The following GPR155 variants were observed in gnomAD, a reference collection of about 807,000 sequenced individuals.
GPR155 encodes lysosomal cholesterol signaling protein.
In GPR155, 65 loss-of-function variants were observed where a neutral mutation model predicts 93.1. The ratio of observed to expected loss-of-function variants is 0.70; its 90% CI spans 0.57 to 0.86. GPR155 has a LOEUF of 0.86. Ranked by LOEUF, GPR155 falls within the 40% of genes least tolerant of loss-of-function variation. The pLI is 0.00. For missense variants in GPR155, 838 were observed against 1,034.8 expected (o/e 0.81, Z 2.61); for synonymous variants, 319 against 360.1 (o/e 0.89, Z 1.29).
At chr2:174,477,011 G>T (rs1049304058) in intron 2 of GPR155, among the ~76,000 whole-genome samples, 4 of 152,138 alleles carry the variant, frequency 2.6e-5, no homozygotes, top group Non-Finnish European at 5.9e-5. Flanking sequence ...TAATGCTTGA[G>T]AAAATCTGAA....
At chr2:174,485,726 CATCCTA>C (rs1056839201) in intron 1 of GPR155, among the ~76,000 whole-genome samples, 5 of 151,978 alleles carry the variant, frequency 3.3e-5, no homozygotes, top group Non-Finnish European at 4.4e-5. Flanking sequence ...AGTTTCATTT[CATCCTA>C]ATCTTTTTTA....
chr2:174,481,580 C>G lies in GPR155; in HGVS notation c.377G>C (p.Ser126Thr). 6.2e-7 allele frequency: 1 copy of G among 1,613,708 alleles called. No homozygotes were observed. Among genetic ancestry groups the G allele is most frequent in the Non-Finnish European group, 8.5e-7 (1 of 1,179,866 alleles). The part of the protein sequence containing the change: ...IVCVLTLLVA[S>T]PDSRFSKAGL... ...AGCTTTGCTAAATCGACTATCAGGA[C>G]TGGCAACCAATAAGGTTAATACACA... is the stretch of plus-strand genomic sequence containing the variant. Residue 126 changes from serine to threonine, a missense_variant, in exon 2 of 16, where the codon AGT becomes ACT. Ser to Thr is a moderately conservative substitution (Grantham distance 58, BLOSUM62 1). Coordinates refer to ENST00000392552, the MANE Select transcript of GPR155 (RefSeq NM_152529.7).
chr2:174,473,063 T>A lies in GPR155; in HGVS notation c.762A>T (p.Gly254=). 1 of 1,600,756 alleles carries A rather than the reference T, an allele frequency of 6.2e-7. No homozygotes were observed. The highest frequency in any genetic ancestry group is 1.1e-5 in the South Asian group (1 of 87,588). Residue 254 remains glycine (G), a synonymous_variant, in exon 3 of 16, where the codon GGA becomes GGT. Coordinates refer to ENST00000392552, the MANE Select transcript of GPR155 (RefSeq NM_152529.7). ...TGAGACCAAGATAAAATAGGGCTGA[T>A]CCAGAAAAAGAATTTCCAAGTCCAT... ...FLDGLGNSFS[G]SALFYLGLTM...
At chr2:174,447,102 C>T (rs960487868) in intron 11 of GPR155, among the ~76,000 whole-genome samples, 7 of 151,664 alleles carry the variant, frequency 4.6e-5, no homozygotes, top group East Asian at 1.9e-4. Context: ...TTTGGGATGC[C>T]GAGGCAGGCA....
chr2:174,453,849 A>C lies in GPR155; in HGVS notation c.1772-8T>G. 1.3e-6 allele frequency: 2 copies of C among 1,585,880 alleles called. No individual in the cohort carries two copies. Among genetic ancestry groups the C allele is most frequent in the Non-Finnish European group, 1.7e-6 (2 of 1,154,736 alleles). On this transcript the variant is annotated splice_polypyrimidine_tract_variant and splice_region_variant and intron_variant, in intron 10 of 15. Transcript: ENST00000392552. ...TGGAGCAGGAGCAGCAACCTATATC[A>C]ATCAAATAGTATGTGAGAGTAGAGC...
At chr2:174,456,144 G>A (rs529146451) in intron 10 of GPR155, among the ~76,000 whole-genome samples, 29 of 152,052 alleles carry the variant, frequency 1.9e-4, no homozygotes, top group African/African-American at 6.3e-4. Flanking sequence ...GCCTGGCTGA[G>A]ATATAAATAA....
rs576158408 is a variant in GPR155 at position 174,475,102 on chromosome 2, C to T, written c.461-1738G>A. Reference sequence around the variant, plus strand: ...CGAGGTCAGGAGATCGAGACCATCCCGGCTAAAATGGTGAAACCCCGTCTC... The same window carrying T: ...CGAGGTCAGGAGATCGAGACCATCCTGGCTAAAATGGTGAAACCCCGTCTC... On this transcript the variant is annotated intron_variant, in intron 2 of 15. Transcript: ENST00000392552. Among the ~76,000 whole-genome samples the T allele has an allele frequency of 2.8e-3, 423 of 150,088 alleles. 2 individuals are homozygous for T. Among genetic ancestry groups the T allele is most frequent in the African/African-American group, 9.8e-3 (399 of 40,790 alleles).
At chr2:174,449,962 C>T (rs901893969) in intron 11 of GPR155, among the ~76,000 whole-genome samples, 1 of 151,854 alleles carries the variant, frequency 6.6e-6, no homozygotes, top group Non-Finnish European at 1.5e-5. Context: ...GACGACAGAG[C>T]GAGACTCCAT....
chr2:174,477,528 T>C (rs1688201854), intron 2 of GPR155, among the ~76,000 whole-genome samples: 1 of 151,978 alleles, frequency 6.6e-6, no homozygotes, highest in South Asian at 2.1e-4. Context: ...CACAGAAAAA[T>C]TGTGATTAAA....
chr2:174,473,917 A>T (rs1688070689), intron 2 of GPR155, among the ~76,000 whole-genome samples: 1 of 152,220 alleles, frequency 6.6e-6, no homozygotes, highest in Admixed American at 6.5e-5. Context: ...AATTAGGGAC[A>T]GTTGGAAGTG....
intron 7 of GPR155, among the ~76,000 whole-genome samples, chr2:174,464,265 A>T (rs1687778643): frequency 6.6e-6 from 1 of 152,216 alleles, no homozygotes; most frequent in African/African-American, 2.4e-5. Context: ...TTGACTAGTT[A>T]TATGTTTATT....
chr2:174,473,617 A>C (rs1688063662), intron 2 of GPR155, among the ~76,000 whole-genome samples: 1 of 152,230 alleles, frequency 6.6e-6, no homozygotes, highest in South Asian at 2.1e-4. Context: ...TTACCATCTA[A>C]GGGTTAAAAT....
intron 2 of GPR155, among the ~76,000 whole-genome samples, chr2:174,474,104 A>G (rs1688077119): frequency 6.6e-6 from 1 of 152,220 alleles, no homozygotes; most frequent in African/African-American, 2.4e-5. Context: ...TCACAAGACA[A>G]TGACAAAACT....
chr2:174,442,017 G>T, intron 14 of GPR155, 102 bp downstream of exon 14: 1 of 724,700 alleles, frequency 1.4e-6, no homozygotes, highest in Non-Finnish European at 2.5e-6. Flanking sequence ...CAAAGTACTG[G>T]GATTACAAGT....
chr2:174,465,495 A>G (rs1467445106), intron 7 of GPR155, among the ~76,000 whole-genome samples: 1 of 152,188 alleles, frequency 6.6e-6, no homozygotes, highest in African/African-American at 2.4e-5. Flanking sequence ...TGCCTTCAGT[A>G]TCTTCCCTCT....
intron 12 of GPR155, 151 bp from the exon 13 acceptor site, chr2:174,445,327 T>G: frequency 1.8e-6 from 1 of 568,508 alleles, no homozygotes; most frequent in Non-Finnish European, 3.1e-6. Context: ...GCTTTATCTT[T>G]TCAATAAGAA....
At position 174,432,029 on chromosome 2, in the gene GPR155, T is replaced by C. The variant is rs1048315629; in HGVS notation, c.*4087A>G. The C allele has an allele frequency of 1.3e-5, 2 of 152,256 alleles. No individual in the cohort carries two copies. The highest frequency in any genetic ancestry group is 2.4e-5 in the African/African-American group (1 of 41,458). 9.4% of individuals were successfully genotyped at this position (152,256 alleles called of 1,614,324 possible). On this transcript the variant is annotated 3_prime_UTR_variant, in exon 16 of 16. Coordinates refer to ENST00000392552, the MANE Select transcript of GPR155 (RefSeq NM_152529.7). The stretch of plus-strand genomic sequence containing the variant: ...CTGTCACTCTACATATTGGAAATGA[T>C]GAAATGTATGAAAAGGACTCAATGT...
chr2:174,460,214 G>T, intron 9 of GPR155, 126 bp from the exon 10 acceptor site: 1 of 602,766 alleles, frequency 1.7e-6, no homozygotes. Flanking sequence ...AGGCTGGAGT[G>T]CAGTGACACA....
chr2:174,464,090 G>A (rs1342031819), intron 7 of GPR155, among the ~76,000 whole-genome samples: 2 of 152,158 alleles, frequency 1.3e-5, no homozygotes, highest in Admixed American at 6.5e-5. Context: ...ATACAAACAG[G>A]CAGAATCCAG....
Sources: allele counts gnomAD v4.1 joint callset (sites outside exome capture counted in the v4.1 genomes callset), GRCh38; gene constraint gnomAD v4.1.1; transcripts MANE v1.5; gene names NCBI Gene and HGNC (gene_info 2026-07-23, HGNC 2026-07-21).